The following CPEB2 variants were observed in gnomAD, a reference collection of about 807,000 sequenced individuals.
CPEB2 encodes cytoplasmic polyadenylation element-binding protein 2.
A neutral mutation model predicts 93.6 loss-of-function variants in CPEB2; 56 were observed. The ratio of observed to expected loss-of-function variants is 0.60; its 90% CI spans 0.48 to 0.75. CPEB2 has a LOEUF of 0.75. Among genes scored for constraint, CPEB2 ranks in the 30% least tolerant of loss-of-function variants. The probability of loss-of-function intolerance (pLI) is 0.00; values close to 1 mark genes in which losing one functional copy is unlikely to be tolerated. For synonymous variants in CPEB2, 764 were observed against 586.3 expected (o/e 1.30, Z -4.38); for missense variants, 1,579 against 1,395.1 (o/e 1.13, Z -2.10).
At chr4:15,029,974 A>G (rs79635382) in intron 4 of CPEB2, among the ~76,000 whole-genome samples, 7,995 of 152,102 alleles carry the variant, frequency 0.053, 238 homozygotes, top group Non-Finnish European at 0.07. Context: ...ACTTACCTAC[A>G]AGAAGGCTGG....
At chr4:15,009,723 G>A (rs1039351921) in intron 3 of CPEB2, among the ~76,000 whole-genome samples, 3 of 152,190 alleles carry the variant, frequency 2.0e-5, no homozygotes, top group Admixed American at 6.5e-5. Context: ...ATATATAGGA[G>A]AAATAAGTAT....
intron 6 of CPEB2, among the ~76,000 whole-genome samples, chr4:15,051,897 A>T (rs933163483): frequency 2.0e-5 from 3 of 152,238 alleles, no homozygotes; most frequent in Admixed American, 6.5e-5. Context: ...ACATGTGCGG[A>T]AGCTCCGTCT....
chr4:15,004,040 C>A lies in CPEB2; in HGVS notation c.1367C>A (p.Ser456Tyr), dbSNP rs759087667. The A allele has an allele frequency of 2.2e-5, 35 of 1,565,010 alleles. No homozygotes were observed. Among genetic ancestry groups the A allele is most frequent in the Non-Finnish European group, 2.9e-5 (34 of 1,158,476 alleles). The change falls in exon 1 of 12, where the codon TCC (serine) becomes TAC (tyrosine). Residue 456 changes from serine to tyrosine, a missense_variant. By Grantham distance (144) the Ser-to-Tyr change is moderately radical. This residue lies in a region of CPEB2 where 1,411 missense variants were observed against 1,056.0 expected (regional missense o/e 1.34). Coordinates refer to ENST00000538197, the MANE Select transcript of CPEB2 (RefSeq NM_001177382.2). ...GGCTTCTACCCCGGGCTGCCGTCGT[C>A]CATGAACCCGGCCTTCTTCCCTAGC... is the stretch of plus-strand genomic sequence containing the variant. ...ENGFYPGLPS[S>Y]MNPAFFPSFS... is the part of the protein sequence containing the mutation.
Position 15,066,457 on chromosome 4 carries a change from C to A in CPEB2, c.*77C>A. ...TACTGTGTCTGAAGATACTGACATG[C>A]AGAAGAAATAAGTGCATTCTTCTGC... On this transcript the variant is annotated 3_prime_UTR_variant, in exon 12 of 12. Coordinates refer to ENST00000538197, the MANE Select transcript of CPEB2 (RefSeq NM_001177382.2). 2.9e-6 allele frequency: 3 copies of A among 1,049,164 alleles called. No homozygotes were observed. Among genetic ancestry groups the A allele is most frequent in the Non-Finnish European group, 4.3e-6 (3 of 697,686 alleles). The allele number at this position is 1,049,164 out of a possible 1,614,324, so 65.0% of individuals were successfully genotyped here.
At chr4:15,019,952 A>G (rs1272506060) in intron 4 of CPEB2, among the ~76,000 whole-genome samples, 2 of 152,054 alleles carry the variant, frequency 1.3e-5, no homozygotes, top group Non-Finnish European at 2.9e-5. Flanking sequence ...TATCTCATGA[A>G]GTAGCAGTCA....
At chr4:15,014,117 C>G (rs1426846624) in intron 3 of CPEB2, among the ~76,000 whole-genome samples, 1 of 152,010 alleles carries the variant, frequency 6.6e-6, no homozygotes, top group African/African-American at 2.4e-5. Context: ...ACACCTCTTG[C>G]AATGAAGGTA....
Position 15,027,491 on chromosome 4 carries a change from G to C in CPEB2, c.2126-5670G>C, listed in dbSNP as rs1725616402. Among the ~76,000 whole-genome samples, 3 of 152,180 alleles carry C rather than the reference G, an allele frequency of 2.0e-5. No homozygotes were observed. The South Asian group carries it at 6.2e-4, about 31-fold the overall frequency. ...TTTGGGAGTGTGGTCAGGAATGACT[G>C]TCCTGCCCCTTGGATCTGAGCAGAG... On this transcript the variant is annotated intron_variant, in intron 4 of 11. Coordinates refer to ENST00000538197, the MANE Select transcript of CPEB2 (RefSeq NM_001177382.2).
chr4:15,028,539 T>C (rs560100313), intron 4 of CPEB2, among the ~76,000 whole-genome samples: 1 of 152,248 alleles, frequency 6.6e-6, no homozygotes, highest in South Asian at 2.1e-4. Flanking sequence ...ACTGCCTTCA[T>C]GGATCTTCTG....
intron 10 of CPEB2, among the ~76,000 whole-genome samples, chr4:15,060,974 A>T (rs1356386654): frequency 6.6e-6 from 1 of 152,152 alleles, no homozygotes; most frequent in African/African-American, 2.4e-5. Flanking sequence ...GAATACAGAA[A>T]GAATGAAGCC....
chr4:15,058,254 G>A (rs1460892481), intron 8 of CPEB2, among the ~76,000 whole-genome samples, 167 bp from the exon 9 acceptor site: 1 of 151,772 alleles, frequency 6.6e-6, no homozygotes, highest in Non-Finnish European at 1.5e-5. Context: ...CTGTTTTAAT[G>A]TGTATTACAT....
At chr4:15,028,318 T>G (rs1401214943) in intron 4 of CPEB2, among the ~76,000 whole-genome samples, 1 of 148,732 alleles carries the variant, frequency 6.7e-6, no homozygotes, top group Non-Finnish European at 1.5e-5. Context: ...GAAAAAAAAG[T>G]CTTGTTCTAT....
chr4:15,002,736 C>T lies in CPEB2; in HGVS notation c.63C>T (p.Pro21=). 5 of 1,535,066 alleles carry T rather than the reference C, an allele frequency of 3.3e-6. No homozygotes were observed. Among genetic ancestry groups the T allele is most frequent in the Non-Finnish European group, 4.4e-6 (5 of 1,146,496 alleles). The part of the protein sequence containing the change: ...TAPLRSSSPG[P]LFCGEAYGPY... The stretch of plus-strand genomic sequence containing the variant: ...CGCTCCGAAGTAGCAGTCCTGGGCC[C>T]CTGTTCTGCGGCGAGGCGTATGGTC... The change falls in exon 1 of 12, where the codon CCC becomes CCT. Residue 21 remains proline (P), a synonymous_variant. Coordinates refer to ENST00000538197, the MANE Select transcript of CPEB2 (RefSeq NM_001177382.2).
At chr4:15,041,555 A>G (rs1419942424) in intron 6 of CPEB2, among the ~76,000 whole-genome samples, 4 of 152,072 alleles carry the variant, frequency 2.6e-5, no homozygotes, top group Non-Finnish European at 5.9e-5. Context: ...GGCATGTGCC[A>G]CCACACCCAG....
chr4:15,003,264 G>A lies in CPEB2; in HGVS notation c.591G>A (p.Pro197=). ...LPHPPDSKPP[P]PPPPLHCPGR... ...ACCCTCCGGACTCGAAGCCGCCGCC[G>A]CCGCCTCCGCCGCTCCACTGCCCCG... Residue 197 remains proline (P), a synonymous_variant, in exon 1 of 12, where the codon CCG becomes CCA. Transcript: ENST00000538197. The A allele has an allele frequency of 6.6e-7, 1 of 1,523,400 alleles. No individual in the cohort carries two copies. The highest frequency in any genetic ancestry group is 8.8e-7 in the Non-Finnish European group (1 of 1,141,356). 94.4% of individuals were successfully genotyped at this position (1,523,400 alleles called of 1,614,324 possible).
Position 15,059,179 on chromosome 4 carries a change from C to G in CPEB2, c.2581-8C>G. On this transcript the variant is annotated splice_polypyrimidine_tract_variant and splice_region_variant and intron_variant, in intron 9 of 11. Transcript: ENST00000538197. ...AGGGAGTAAGACCCAATGTAATTTT[C>G]TTCATAGGTTCAAATACGTCCTTGG... The G allele has an allele frequency of 6.4e-7, 1 of 1,562,988 alleles. No homozygotes were observed.
At chr4:15,021,664 G>C (rs1279874958) in intron 4 of CPEB2, among the ~76,000 whole-genome samples, 2 of 152,120 alleles carry the variant, frequency 1.3e-5, no homozygotes, top group Non-Finnish European at 2.9e-5. Context: ...ATCTGTGTCA[G>C]TAAGTCGTAA....
chr4:15,025,019 A>C (rs1383189441), intron 4 of CPEB2, among the ~76,000 whole-genome samples: 1 of 152,078 alleles, frequency 6.6e-6, no homozygotes, highest in Non-Finnish European at 1.5e-5. Context: ...TGCTGGGATT[A>C]CAGGCATGAG....
At chr4:15,033,872 G>A (rs1726355747) in intron 5 of CPEB2, among the ~76,000 whole-genome samples, 2 of 152,256 alleles carry the variant, frequency 1.3e-5, no homozygotes, top group African/African-American at 4.8e-5. Flanking sequence ...GAGGGTGGGT[G>A]TGGAGAGGGA....
chr4:15,009,335 G>A (rs1342925958), intron 3 of CPEB2, among the ~76,000 whole-genome samples: 1 of 152,194 alleles, frequency 6.6e-6, no homozygotes, highest in African/African-American at 2.4e-5. Context: ...TAGAAGGTTA[G>A]CATTAATTTT....
Sources: gnomAD v4.1 joint callset for allele counts (sites outside exome capture counted in the v4.1 genomes callset) on GRCh38, gnomAD v4.1.1 for gene constraint, gnomAD v4.1.1 regional missense constraint, MANE v1.5 for transcripts, NCBI Gene and HGNC (gene_info 2026-07-23, HGNC 2026-07-21) for gene names.